The following ZNF529 variants were observed in gnomAD, a reference collection of about 807,000 sequenced individuals.
ZNF529 encodes zinc finger protein 529.
Under a neutral mutation model 10.1 loss-of-function variants are expected in ZNF529, and 11 were observed. The observed-to-expected ratio is 1.09, with a 90% CI of 0.69 to 1.81. The LOEUF is 1.81. Among genes scored for constraint, ZNF529 ranks in the 40% most tolerant of loss-of-function variants. ZNF529 has a pLI of 0.00. For missense variants in ZNF529, 624 were observed against 666.8 expected (o/e 0.94, Z 0.71); for synonymous variants, 204 against 215.7 (o/e 0.95, Z 0.47).
chr19:36,599,463 C>A (rs1256598373), intron 1 of ZNF529, among the ~76,000 whole-genome samples: 1 of 152,072 alleles, frequency 6.6e-6, no homozygotes, highest in Non-Finnish European at 1.5e-5. Context: ...ATTTGAATTT[C>A]TTTTTCAAGC....
chr19:36,601,706 T>C (rs1299720310), intron 1 of ZNF529, among the ~76,000 whole-genome samples: 31 of 152,126 alleles, frequency 2.0e-4, no homozygotes, highest in Non-Finnish European at 1.2e-4. Flanking sequence ...TATTATTATA[T>C]AAATAATAAA....
chr19:36,556,263 A>G (rs1357857182), intron 2 of ZNF529, 66 bp from the exon 3 acceptor site: 4 of 716,776 alleles, frequency 5.6e-6, no homozygotes, highest in South Asian at 1.5e-5. Context: ...CTAGGAATGT[A>G]CAGCAAATGA....
chr19:36,571,967 T>C (rs2036132295), intron 2 of ZNF529, among the ~76,000 whole-genome samples: 1 of 150,554 alleles, frequency 6.6e-6, no homozygotes, highest in African/African-American at 2.5e-5. Flanking sequence ...CTTTGTCACT[T>C]ACTGATTAAT....
chr19:36,559,600 C>A (rs1214274677), intron 2 of ZNF529, among the ~76,000 whole-genome samples: 1 of 152,258 alleles, frequency 6.6e-6, no homozygotes, highest in Non-Finnish European at 1.5e-5. Context: ...AGCCACCACA[C>A]ATGGCCAAGT....
intron 1 of ZNF529, among the ~76,000 whole-genome samples, chr19:36,604,564 C>T (rs931311435): frequency 4.1e-5 from 6 of 147,412 alleles, no homozygotes; most frequent in African/African-American, 1.5e-4. Context: ...ATTATGAAAG[C>T]GACAGGGGCC....
At chr19:36,579,332 C>G (rs1031502510) in intron 2 of ZNF529, among the ~76,000 whole-genome samples, 1 of 152,064 alleles carries the variant, frequency 6.6e-6, no homozygotes, top group African/African-American at 2.4e-5. Context: ...GATAATAGGC[C>G]TCAAAACAGT....
intron 1 of ZNF529, among the ~76,000 whole-genome samples, chr19:36,600,919 C>T (rs1391939705): frequency 6.6e-6 from 1 of 152,102 alleles, no homozygotes; most frequent in African/African-American, 2.4e-5. Flanking sequence ...GTTCACAAGC[C>T]ATACAAAAAT....
chr19:36,565,750 T>C (rs985755868), intron 2 of ZNF529, among the ~76,000 whole-genome samples: 12 of 152,042 alleles, frequency 7.9e-5, no homozygotes, highest in Admixed American at 5.9e-4. Context: ...AATAGGCAAA[T>C]ACAAAAGTCT....
At chr19:36,578,351 G>A (rs1386323769) in intron 2 of ZNF529, among the ~76,000 whole-genome samples, 2 of 124,212 alleles carry the variant, frequency 1.6e-5, no homozygotes, top group Non-Finnish European at 3.2e-5. Context: ...TGTTGCCCAG[G>A]CTGGAGTGCA....
rs558847216 is a variant in ZNF529, at chr19:36,579,167, C to T, written c.-41+10448G>A. ...AGTGAGCCAAGATTGCGCCGTTGCA[C>T]TCCAGCCTGGGAGACAGAGTGAGAC... On this transcript the variant is annotated intron_variant, in intron 2 of 4. Coordinates refer to the ZNF529 transcript ENST00000585960. Among the ~76,000 whole-genome samples the T allele has an allele frequency of 2.0e-5, 3 of 151,490 alleles. No homozygotes were observed. In the South Asian group the frequency reaches 6.2e-4, roughly 32 times the overall value.
chr19:36,578,288 TCTC>T (rs2036380476), upstream of ZNF529, among the ~76,000 whole-genome samples: 1 of 116,288 alleles, frequency 8.6e-6, no homozygotes, highest in Non-Finnish European at 1.7e-5. Flanking sequence ...ATGGTCTTGA[TCTC>T]TTTTTTTTTT....
chr19:36,581,927 ATAT>A (rs1444886875), intron 2 of ZNF529: 5 of 152,246 alleles, frequency 3.3e-5, no homozygotes, highest in African/African-American at 4.8e-5. Flanking sequence ...ATACAATGTA[ATAT>A]TATTCAGCCT....
chr19:36,595,223 T>C (rs1356382350), intron 1 of ZNF529, among the ~76,000 whole-genome samples: 1 of 152,162 alleles, frequency 6.6e-6, no homozygotes, highest in African/African-American at 2.4e-5. Flanking sequence ...TCAGTAGCAT[T>C]GGTCACTACC....
chr19:36,583,198 C>G (rs1310770978), intron 2 of ZNF529, among the ~76,000 whole-genome samples: 1 of 151,818 alleles, frequency 6.6e-6, no homozygotes, highest in African/African-American at 2.4e-5. Flanking sequence ...GCTGGGAGTA[C>G]AGGTGGGCAC....
At chr19:36,558,698 A>G (rs1267685659) in intron 2 of ZNF529, among the ~76,000 whole-genome samples, 1 of 152,154 alleles carries the variant, frequency 6.6e-6, no homozygotes, top group Non-Finnish European at 1.5e-5. Context: ...AAGAAAACAT[A>G]GTAAAGCTCT....
chr19:36,562,056 A>T (rs945704381), intron 2 of ZNF529, among the ~76,000 whole-genome samples: 1 of 152,092 alleles, frequency 6.6e-6, no homozygotes, highest in Admixed American at 6.5e-5. Context: ...ACCAACATGG[A>T]GAAACCCCAT....
intron 2 of ZNF529, among the ~76,000 whole-genome samples, chr19:36,586,472 G>A (rs1217847892): frequency 6.6e-6 from 1 of 152,110 alleles, no homozygotes; most frequent in Non-Finnish European, 1.5e-5. Flanking sequence ...GGGCGTGGTG[G>A]TGTGCATCTC....
At chr19:36,573,560 G>A (rs1206191622), upstream of ZNF529, 1 of 465,734 alleles carries the variant, frequency 2.1e-6, no homozygotes, top group South Asian at 1.6e-5. Flanking sequence ...ACCCAGGTTG[G>A]GAGGACAGAA....
intron 2 of ZNF529, among the ~76,000 whole-genome samples, chr19:36,586,004 A>G (rs1023046330): frequency 6.6e-6 from 1 of 152,220 alleles, no homozygotes; most frequent in African/African-American, 2.4e-5. Context: ...ATCATGAGGC[A>G]GAAGAGGTGA....
Sources: gnomAD v4.1 joint callset for allele counts (sites outside exome capture counted in the v4.1 genomes callset) on GRCh38, gnomAD v4.1.1 for gene constraint, MANE v1.5 for transcripts, NCBI Gene and HGNC (gene_info 2026-07-23, HGNC 2026-07-21) for gene names.